ATAD2B: variants seen among roughly 807,000 people sequenced by gnomAD.
ATAD2B encodes the protein ATPase family AAA domain containing 2B.
Under a neutral mutation model 167.6 loss-of-function variants are expected in ATAD2B, and 40 were observed. The ratio of observed to expected loss-of-function variants is 0.24; its 90% CI spans 0.19 to 0.31. The LOEUF (loss-of-function observed/expected upper bound fraction) is 0.31, where lower values mean the gene tolerates loss of function less well. ATAD2B is among the 10% of genes least tolerant of loss of function. The pLI is 1.00. For missense variants in ATAD2B, 1,242 were observed against 1,757.2 expected, an observed-to-expected ratio of 0.71 and a Z score of 5.24; for synonymous variants, 579 against 596.5, an observed-to-expected ratio of 0.97 and a Z score of 0.43.
At chr2:23,686,918 A>G in the ATAD2B span, among the ~76,000 whole-genome samples, 1 of 152,104 alleles carries the variant, frequency 6.6e-6, no homozygotes, top group Non-Finnish European at 1.5e-5. Context: ...ACACATGACC[A>G]AGAAGTGCCT....
chr2:23,781,736 CTTT>C (rs112432597), intron 22 of ATAD2B, among the ~76,000 whole-genome samples: 5,569 of 144,512 alleles, frequency 0.039, 107 homozygotes, highest in South Asian at 0.048. Flanking sequence ...ACTGCTGTTT[CTTT>C]TTTTTTTTTC....
chr2:23,694,192 C>T, the ATAD2B span, among the ~76,000 whole-genome samples: 16 of 152,186 alleles, frequency 1.1e-4, no homozygotes, highest in Non-Finnish European at 2.1e-4. Context: ...CCTGCAGATC[C>T]GTCTAATTCA....
the ATAD2B span, chr2:23,693,200 C>T: frequency 7.3e-5 from 109 of 1,486,134 alleles, no homozygotes; most frequent in East Asian, 2.6e-3. Context: ...TCTAGGGTGA[C>T]AGCAATGGGA....
chr2:23,736,116 C>G, the ATAD2B span, among the ~76,000 whole-genome samples: 2 of 152,142 alleles, frequency 1.3e-5, no homozygotes, highest in Admixed American at 1.3e-4. Context: ...AGGGTCAGTT[C>G]TGAAAATAGA....
intron 2 of ATAD2B, among the ~76,000 whole-genome samples, chr2:23,891,020 ATTTTT>A (rs34109939): frequency 1.5e-5 from 2 of 136,990 alleles, no homozygotes; most frequent in East Asian, 2.3e-4. Flanking sequence ...ATATACTGAG[ATTTTT>A]TTTTTTTTTT....
intron 26 of ATAD2B, 51 bp from the exon 27 acceptor site, chr2:23,754,358 C>T (rs1675702709): frequency 1.2e-5 from 18 of 1,492,954 alleles, no homozygotes; most frequent in African/African-American, 5.7e-5. Flanking sequence ...ACTGGTCAAA[C>T]TGAAATTGTA....
At chr2:23,887,742 C>T (rs1698907425) in intron 4 of ATAD2B, 90 bp downstream of exon 4, 2 of 1,210,012 alleles carry the variant, frequency 1.7e-6, no homozygotes, top group Middle Eastern at 2.9e-4. Context: ...GTATTGATTG[C>T]TAAGTCGTTG....
chr2:23,911,367 A>G (rs1316825419), intron 1 of ATAD2B, among the ~76,000 whole-genome samples: 1 of 152,034 alleles, frequency 6.6e-6, no homozygotes, highest in East Asian at 1.9e-4. Flanking sequence ...CCAGCTTGGC[A>G]TCTGGGTGAA....
chr2:23,876,176 T>A (rs530066521), intron 7 of ATAD2B, among the ~76,000 whole-genome samples: 10 of 151,912 alleles, frequency 6.6e-5, no homozygotes, highest in Admixed American at 5.2e-4. Flanking sequence ...GTATTTTTAG[T>A]AGAGACAGGG....
chr2:23,776,924 T>C (rs1679232636), intron 22 of ATAD2B, among the ~76,000 whole-genome samples: 1 of 152,216 alleles, frequency 6.6e-6, no homozygotes, highest in African/African-American at 2.4e-5. Context: ...CTCCTCTAAA[T>C]TTATATGTGG....
chr2:23,716,738 C>T, the ATAD2B span, among the ~76,000 whole-genome samples: 1 of 152,196 alleles, frequency 6.6e-6, no homozygotes, highest in Non-Finnish European at 1.5e-5. Flanking sequence ...ATTCACCTAT[C>T]AGCCTCCTCT....
At chr2:23,698,727 T>TGATA in the ATAD2B span, among the ~76,000 whole-genome samples, 1 of 152,178 alleles carries the variant, frequency 6.6e-6, no homozygotes, top group Non-Finnish European at 1.5e-5. Context: ...ACTGGATAAA[T>TGATA]GATAGCAGAA....
chr2:23,824,654 G>A (rs914242818), intron 15 of ATAD2B, among the ~76,000 whole-genome samples: 3 of 151,826 alleles, frequency 2.0e-5, no homozygotes, highest in Admixed American at 6.6e-5. Context: ...CCAACATAAG[G>A]TATTATTTAT....
chr2:23,830,852 G>C (rs1389684237), intron 14 of ATAD2B, among the ~76,000 whole-genome samples: 2 of 151,336 alleles, frequency 1.3e-5, no homozygotes, highest in South Asian at 2.1e-4. Context: ...AAAAAATAAA[G>C]AACATGTAAA....
chr2:23,802,092 A>G (rs1247176400), intron 18 of ATAD2B, among the ~76,000 whole-genome samples: 1 of 152,046 alleles, frequency 6.6e-6, no homozygotes, highest in Admixed American at 6.6e-5. Context: ...GAGGGAAACA[A>G]ATTTGTGTCA....
At chr2:23,747,663 C>A (rs192808681), downstream of ATAD2B, among the ~76,000 whole-genome samples, 2 of 152,184 alleles carry the variant, frequency 1.3e-5, no homozygotes, top group Admixed American at 1.3e-4. Flanking sequence ...GGTATATATA[C>A]CAATTCCCCT....
At chr2:23,792,622 C>T (rs894333312) in intron 19 of ATAD2B, among the ~76,000 whole-genome samples, 3 of 151,858 alleles carry the variant, frequency 2.0e-5, no homozygotes, top group African/African-American at 7.3e-5. Context: ...GTTTACATAT[C>T]TCAAAATAGT....
At chr2:23,779,084 C>A (rs1679591928) in intron 22 of ATAD2B, among the ~76,000 whole-genome samples, 2 of 152,072 alleles carry the variant, frequency 1.3e-5, no homozygotes, top group Non-Finnish European at 1.5e-5. Context: ...AGGATGGCAT[C>A]CAACTGAAGA....
chr2:23,769,362 C>G (rs1287326093), intron 22 of ATAD2B, among the ~76,000 whole-genome samples: 1 of 152,052 alleles, frequency 6.6e-6, no homozygotes, highest in African/African-American at 2.4e-5. Flanking sequence ...ATTGCTTGAA[C>G]CCAGGAGGCA....
Sources: allele counts gnomAD v4.1 joint callset (sites outside exome capture counted in the v4.1 genomes callset), GRCh38; gene constraint gnomAD v4.1.1; transcripts MANE v1.5; gene names NCBI Gene and HGNC (gene_info 2026-07-23, HGNC 2026-07-21).